The following TRPV3 variants were observed in gnomAD, a reference collection of about 807,000 sequenced individuals.
TRPV3 encodes VRL-3.
A neutral mutation model predicts 87.1 loss-of-function variants in TRPV3; 88 were observed. The ratio of observed to expected loss-of-function variants is 1.01; its 90% CI spans 0.85 to 1.21. The LOEUF is 1.21. Ranked by LOEUF, TRPV3 falls within the 50% of genes most tolerant of loss-of-function variation. The pLI, the probability that TRPV3 is intolerant of heterozygous loss-of-function variation, is 0.00. For missense variants in TRPV3, 1,054 were observed against 1,030.1 expected, an observed-to-expected ratio of 1.02 and a Z score of -0.32; for synonymous variants, 438 against 423.3, an observed-to-expected ratio of 1.03 and a Z score of -0.43.
chr17:3,528,792 C>T lies in TRPV3; in HGVS notation c.1401+45G>A. The T allele has an allele frequency of 1.2e-6, 2 of 1,610,918 alleles. No individual in the cohort carries two copies. The highest frequency in any genetic ancestry group is 1.7e-6 in the Non-Finnish European group (2 of 1,178,340). ...GCACGTGGGGCAGCTCCAAGCCCCT[C>T]CAGCTCTGACGGCCCCATTTTCCCC... On this transcript the variant is annotated intron_variant, in intron 10 of 17. Coordinates refer to ENST00000576742, the MANE Select transcript of TRPV3 (RefSeq NM_145068.4). The surrounding 1 kb of genome is among the most constrained non-coding windows in gnomAD (Gnocchi z 4.2).
Position 3,543,602 on chromosome 17 carries a change from C to T in TRPV3, c.338G>A (p.Arg113Lys), listed in dbSNP as rs1172527979. 5 of 1,614,186 alleles carry T rather than the reference C, an allele frequency of 3.1e-6. No individual in the cohort carries two copies. The highest frequency in any genetic ancestry group is 1.7e-5 in the Admixed American group (1 of 60,034). Residue 113 changes from arginine to lysine, a missense_variant, in exon 5 of 18, where the codon AGG becomes AAG. By Grantham distance (26) the Arg-to-Lys change is conservative. Transcript: ENST00000576742. ...PSAQLAKEEQ[R>K]RKKRRLKKRI... ...CTTCTTCAGCCGCCTCTTTTTCCTC[C>T]TCTGCTCTTCCTTGGCCAGCTGTGC...
chr17:3,551,084 G>A (rs1417807060), intron 2 of TRPV3, among the ~76,000 whole-genome samples: 1 of 152,178 alleles, frequency 6.6e-6, no homozygotes, highest in Non-Finnish European at 1.5e-5. Context: ...TGTTGGGGTG[G>A]GATTTGGTCT....
At chr17:3,550,814 G>A (rs1244378657) in intron 2 of TRPV3, among the ~76,000 whole-genome samples, 11 of 151,356 alleles carry the variant, frequency 7.3e-5, no homozygotes, top group African/African-American at 1.9e-4. Flanking sequence ...ATGAGCCACC[G>A]CACCCGGCCT....
At chr17:3,525,974 C>T (rs1229288149) in intron 12 of TRPV3, among the ~76,000 whole-genome samples, 1 of 152,124 alleles carries the variant, frequency 6.6e-6, no homozygotes, top group African/African-American at 2.4e-5. Context: ...ATATCTACTC[C>T]TACACAGTCA....
At position 3,514,596 on chromosome 17, in the gene TRPV3, T is replaced by C; in HGVS notation, c.2275A>G (p.Thr759Ala). The C allele has an allele frequency of 6.2e-7, 1 of 1,612,906 alleles. No homozygotes were observed. The highest frequency in any genetic ancestry group is 8.5e-7 in the Non-Finnish European group (1 of 1,178,900). Residue 759 changes from threonine to alanine, a missense_variant, in exon 17 of 18, where the codon ACA (threonine) becomes GCA (alanine). Thr to Ala is a moderately conservative substitution (Grantham distance 58). Coordinates refer to ENST00000576742, the MANE Select transcript of TRPV3 (RefSeq NM_145068.4). ...LNEDPGPVRRTDFNKIQDSSR... is the reference protein window; with the variant it reads ...LNEDPGPVRRADFNKIQDSSR... ...TGTCACCTCACAGCGACAGTACCTG[T>C]TCGTCTTACAGGCCCCGGGTCTTCG...
At chr17:3,555,166 C>T (rs1028470401) in intron 1 of TRPV3, among the ~76,000 whole-genome samples, 2 of 152,076 alleles carry the variant, frequency 1.3e-5, no homozygotes, top group East Asian at 1.9e-4. Flanking sequence ...CAGGTGGACC[C>T]CTGAACTAGT....
intron 3 of TRPV3, among the ~76,000 whole-genome samples, chr17:3,544,882 C>T (rs1245125699): frequency 6.6e-6 from 1 of 152,132 alleles, no homozygotes; most frequent in Non-Finnish European, 1.5e-5. Context: ...GGCGTGGTGG[C>T]ATGTGCCTGT....
At chr17:3,525,294 A>C (rs572842068) in intron 12 of TRPV3, among the ~76,000 whole-genome samples, 47 of 152,362 alleles carry the variant, frequency 3.1e-4, no homozygotes, top group Middle Eastern at 3.4e-3. Flanking sequence ...TGCTGGGATT[A>C]CAGGCGTGAG....
At chr17:3,540,338 T>C (rs944960116) in intron 6 of TRPV3, among the ~76,000 whole-genome samples, 12 of 151,836 alleles carry the variant, frequency 7.9e-5, no homozygotes, top group Non-Finnish European at 1.6e-4. Flanking sequence ...AGAACGGTGG[T>C]GGGGTTGGTT....
intron 2 of TRPV3, chr17:3,546,945 G>A (rs2074531977): frequency 5.4e-6 from 1 of 184,972 alleles, no homozygotes; most frequent in Admixed American, 6.0e-5. Flanking sequence ...TCCAGCCTGA[G>A]TAACAGAGCG....
At position 3,542,608 on chromosome 17, in the gene TRPV3, A is replaced by T; in HGVS notation, c.557T>A (p.Ile186Lys). ...AGCAAAGGCAAGCAGGATCCGCACT[A>T]TCTCCTTGGTGTTGGGGTTGATGTT... Reference protein sequence around the residue: ...LLNINPNTKEIVRILLAFAEE... With the variant: ...LLNINPNTKEKVRILLAFAEE... The change falls in exon 6 of 18, where the codon ATA becomes AAA. Residue 186 changes from isoleucine (I) to lysine (K), a missense_variant. Transcript: ENST00000576742. 6.2e-7 allele frequency: 1 copy of T among 1,613,910 alleles called. No homozygotes were observed. The highest frequency in any genetic ancestry group is 8.5e-7 in the Non-Finnish European group (1 of 1,179,886).
chr17:3,551,076 T>C (rs2074569549), intron 2 of TRPV3, among the ~76,000 whole-genome samples: 1 of 152,166 alleles, frequency 6.6e-6, no homozygotes, highest in Non-Finnish European at 1.5e-5. Context: ...CTGTGCTCTG[T>C]TGGGGTGGGA....
intron 2 of TRPV3, among the ~76,000 whole-genome samples, chr17:3,546,240 G>A (rs1174009607): frequency 6.6e-6 from 1 of 151,978 alleles, no homozygotes. Flanking sequence ...TCGGGAGTTC[G>A]AGACCAGCCT....
chr17:3,520,944 G>T, intron 14 of TRPV3, 29 bp downstream of exon 14: 2 of 1,440,550 alleles, frequency 1.4e-6, no homozygotes, highest in Non-Finnish European at 2.0e-6. Context: ...TATAAATGTG[G>T]GAGTTACTAT....
Position 3,544,564 on chromosome 17 carries a change from G to GAGGGGC in TRPV3, c.311+9_311+14dup. The GAGGGGC allele has an allele frequency of 6.4e-7, 1 of 1,558,050 alleles. No homozygotes were observed. The highest frequency in any genetic ancestry group is 1.1e-5 in the South Asian group (1 of 88,002). On this transcript the variant is annotated intron_variant, in intron 4 of 17. Coordinates refer to ENST00000576742, the MANE Select transcript of TRPV3 (RefSeq NM_145068.4). ...TGGGTGGGCACAGTGGGTGGAGGGG[G>GAGGGGC]AGGGGCAGACTTACCTGGGGCTGTT...
chr17:3,522,552 T>C (rs1330997915), intron 13 of TRPV3, among the ~76,000 whole-genome samples: 1 of 151,880 alleles, frequency 6.6e-6, no homozygotes, highest in African/African-American at 2.4e-5. Context: ...AATTTGTTGA[T>C]TCCCCCCCCC....
chr17:3,532,801 G>A lies in TRPV3; in HGVS notation c.921C>T (p.Ala307=), dbSNP rs375714726. The change falls in exon 8 of 18, where the codon GCC becomes GCT. Residue 307 remains alanine (A), a synonymous_variant. Coordinates refer to ENST00000576742, the MANE Select transcript of TRPV3 (RefSeq NM_145068.4). Reference sequence around the variant, plus strand: ...AGTCATTCTGCGTCTTGAAGTCCTCGGCCACGGTCACCAGGGCGTGAAGGA... The same window carrying A: ...AGTCATTCTGCGTCTTGAAGTCCTCAGCCACGGTCACCAGGGCGTGAAGGA... ...NNILHALVTV[A]EDFKTQNDFV... The A allele has an allele frequency of 7.4e-6, 12 of 1,614,230 alleles. No individual in the cohort carries two copies. The highest frequency in any genetic ancestry group is 2.2e-5 in the East Asian group (1 of 44,890).
At chr17:3,515,380 G>A (rs555051864) in intron 16 of TRPV3, among the ~76,000 whole-genome samples, 15 of 152,298 alleles carry the variant, frequency 9.8e-5, no homozygotes, top group Admixed American at 2.0e-4. Context: ...TGTTCATGGG[G>A]CCGGGCACCG....
chr17:3,553,835 A>T (rs2074600903), intron 2 of TRPV3: 2 of 152,330 alleles, frequency 1.3e-5, no homozygotes, highest in African/African-American at 4.8e-5. Flanking sequence ...GCTCCAACTA[A>T]CAGAGGGGAA....
Sources: gnomAD v4.1 joint callset for allele counts (sites outside exome capture counted in the v4.1 genomes callset) on GRCh38, gnomAD v4.1.1 for gene constraint, Gnocchi (gnomAD v3.1) non-coding constraint, MANE v1.5 for transcripts, NCBI Gene and HGNC (gene_info 2026-07-23, HGNC 2026-07-21) for gene names.